The following NEK11 variants were observed in gnomAD, a reference collection of about 807,000 sequenced individuals.
NEK11 encodes the protein NIMA related kinase 11.
Under a neutral mutation model 80.7 loss-of-function variants are expected in NEK11, and 72 were observed. The observed-to-expected ratio is 0.89, with a 90% CI of 0.74 to 1.08. The LOEUF is 1.08. NEK11 is among the 50% of genes least tolerant of loss of function. The probability of loss-of-function intolerance (pLI) is 0.00; values close to 1 mark genes in which losing one functional copy is unlikely to be tolerated. For synonymous variants in NEK11, 251 were observed against 260.7 expected (o/e 0.96, Z 0.36); for missense variants, 764 against 763.6 (o/e 1.00, Z -0.01).
intron 17 of NEK11, among the ~76,000 whole-genome samples, chr3:131,336,371 A>G (rs899361980): frequency 6.6e-5 from 10 of 152,218 alleles, no homozygotes; most frequent in Non-Finnish European, 5.9e-5. Flanking sequence ...ATGGAGAAAG[A>G]ATTCCCTATT....
intron 17 of NEK11, among the ~76,000 whole-genome samples, chr3:131,335,333 T>C (rs2097163008): frequency 3.3e-5 from 5 of 152,224 alleles, no homozygotes; most frequent in Admixed American, 3.3e-4. Context: ...TCAATAAATG[T>C]AATCCAGCAT....
chr3:131,226,010 G>A (rs1446538817), intron 14 of NEK11, among the ~76,000 whole-genome samples: 1 of 152,148 alleles, frequency 6.6e-6, no homozygotes, highest in African/African-American at 2.4e-5. Flanking sequence ...AAAAATGGGA[G>A]AGCAAGAGGG....
chr3:131,162,376 G>A, intron 10 of NEK11, 32 bp from the exon 11 acceptor site: 2 of 1,608,420 alleles, frequency 1.2e-6, no homozygotes, highest in Non-Finnish European at 1.7e-6. Flanking sequence ...GTTTGGGATG[G>A]GCTATATGAG....
intron 14 of NEK11, among the ~76,000 whole-genome samples, chr3:131,210,554 C>A (rs1031031474): frequency 6.6e-6 from 1 of 151,934 alleles, no homozygotes; most frequent in Admixed American, 6.6e-5. Context: ...CATTGTTCTG[C>A]CTAATGTTGA....
intron 10 of NEK11, among the ~76,000 whole-genome samples, chr3:131,157,362 C>T (rs919527504): frequency 7.2e-5 from 11 of 151,948 alleles, no homozygotes; most frequent in Admixed American, 7.2e-4. Context: ...TAGCCTAAAC[C>T]TTGTGTTGGC....
intron 14 of NEK11, among the ~76,000 whole-genome samples, chr3:131,203,767 GTATATATA>G (rs150951735): frequency 0.013 from 709 of 53,232 alleles, 6 homozygotes; most frequent in East Asian, 0.023. Context: ...GTGTGTGTGT[GTATATATA>G]TATATATATA....
chr3:131,116,517 T>G (rs1287137328), intron 5 of NEK11, among the ~76,000 whole-genome samples: 12 of 152,202 alleles, frequency 7.9e-5, no homozygotes, highest in Admixed American at 5.2e-4. Flanking sequence ...GGTCAAATGG[T>G]ATTTCTAGTT....
At chr3:131,204,103 C>A (rs1045369956) in intron 14 of NEK11, among the ~76,000 whole-genome samples, 1 of 151,996 alleles carries the variant, frequency 6.6e-6, no homozygotes, top group Non-Finnish European at 1.5e-5. Flanking sequence ...ACACAGTTAT[C>A]CATGCTTTGA....
At chr3:131,143,338 C>T (rs1229085084) in intron 7 of NEK11, among the ~76,000 whole-genome samples, 1 of 152,146 alleles carries the variant, frequency 6.6e-6, no homozygotes, top group Non-Finnish European at 1.5e-5. Flanking sequence ...CCCTTGATCA[C>T]TCCATTGCTT....
At chr3:131,143,986 A>T (rs1049928518) in intron 7 of NEK11, among the ~76,000 whole-genome samples, 7 of 152,172 alleles carry the variant, frequency 4.6e-5, no homozygotes, top group Non-Finnish European at 8.8e-5. Context: ...TATCTAGAAG[A>T]TCAACAAAAC....
At chr3:131,238,379 A>G (rs895637055) in intron 15 of NEK11, among the ~76,000 whole-genome samples, 6 of 152,166 alleles carry the variant, frequency 3.9e-5, no homozygotes, top group Non-Finnish European at 7.3e-5. Flanking sequence ...TATTCCCAGC[A>G]CCTTGAACAG....
chr3:131,321,795 T>C (rs1421201866), intron 17 of NEK11, among the ~76,000 whole-genome samples: 1 of 152,046 alleles, frequency 6.6e-6, no homozygotes, highest in Non-Finnish European at 1.5e-5. Flanking sequence ...TGAGATACCA[T>C]CTCACATCAG....
chr3:131,251,816 T>C (rs528925811), intron 16 of NEK11, among the ~76,000 whole-genome samples: 2 of 152,070 alleles, frequency 1.3e-5, no homozygotes, highest in Non-Finnish European at 2.9e-5. Flanking sequence ...AGAATTTAAT[T>C]AATGCTGCTG....
chr3:131,342,214 T>G (rs1007791147), intron 17 of NEK11, among the ~76,000 whole-genome samples: 1 of 152,234 alleles, frequency 6.6e-6, no homozygotes, highest in Non-Finnish European at 1.5e-5. Flanking sequence ...TTTGCCCACC[T>G]GATTCAGAGA....
chr3:131,310,218 G>A (rs1451212287), intron 17 of NEK11, among the ~76,000 whole-genome samples: 1 of 151,796 alleles, frequency 6.6e-6, no homozygotes, highest in Non-Finnish European at 1.5e-5. Flanking sequence ...ATTCTCTATT[G>A]TACCCTTGAG....
At chr3:131,200,582 A>G (rs984188853) in intron 14 of NEK11, among the ~76,000 whole-genome samples, 7 of 152,218 alleles carry the variant, frequency 4.6e-5, no homozygotes, top group African/African-American at 1.7e-4. Context: ...CTGCTCTTAA[A>G]GCTTGAAACT....
chr3:131,159,734 C>T (rs1027444540), intron 10 of NEK11, among the ~76,000 whole-genome samples: 6 of 150,138 alleles, frequency 4.0e-5, no homozygotes. Context: ...CATTGCACTC[C>T]AGCCTGGATG....
intron 4 of NEK11, among the ~76,000 whole-genome samples, chr3:131,093,469 G>C (rs1385338161): frequency 6.6e-6 from 1 of 152,000 alleles, no homozygotes; most frequent in Non-Finnish European, 1.5e-5. Flanking sequence ...TGTCTGTCAG[G>C]CTGGAGTGTG....
At chr3:131,212,741 G>A (rs575357950) in intron 14 of NEK11, among the ~76,000 whole-genome samples, 14 of 152,228 alleles carry the variant, frequency 9.2e-5, no homozygotes, top group Admixed American at 6.5e-4. Flanking sequence ...AGTTCTGTTT[G>A]GCAACTTTAT....
Sources: gnomAD v4.1 joint callset for allele counts (sites outside exome capture counted in the v4.1 genomes callset) on GRCh38, gnomAD v4.1.1 for gene constraint, MANE v1.5 for transcripts, NCBI Gene and HGNC (gene_info 2026-07-23, HGNC 2026-07-21) for gene names.